Variants in TNS1 observed in about 807,000 individuals in gnomAD.
The protein encoded by TNS1 is tensin 1.
Under a neutral mutation model 168.6 loss-of-function variants are expected in TNS1, and 62 were observed. That is an observed-to-expected ratio of 0.37 (90% confidence interval 0.30 to 0.45). TNS1 has a LOEUF of 0.45. Ranked by LOEUF, TNS1 falls within the 20% of genes least tolerant of loss-of-function variation. The pLI, the probability that TNS1 is intolerant of heterozygous loss-of-function variation, is 1.00. For missense variants in TNS1, 2,240 were observed against 2,339.4 expected (o/e 0.96, Z 0.88); for synonymous variants, 934 against 933.2 (o/e 1.00, Z -0.02).
At chr2:218,020,135 A>G (rs999869893) in intron 1 of TNS1, among the ~76,000 whole-genome samples, 3 of 152,084 alleles carry the variant, frequency 2.0e-5, no homozygotes, top group Non-Finnish European at 4.4e-5. Context: ...TCCCAGAGGG[A>G]AAAAAAGGAG....
chr2:217,825,411 G>A (rs1182484902), intron 22 of TNS1, among the ~76,000 whole-genome samples: 2 of 152,128 alleles, frequency 1.3e-5, no homozygotes, highest in Admixed American at 6.5e-5. Flanking sequence ...CTCCTGATAG[G>A]GAGCACTCGG....
chr2:217,990,932 C>T lies in TNS1; in HGVS notation c.148+10G>A, dbSNP rs560565007. 4.4e-5 allele frequency: 28 copies of T among 640,708 alleles called. No homozygotes were observed. The highest frequency in any genetic ancestry group is 3.7e-4 in the Admixed American group (17 of 46,394). 39.7% of individuals were successfully genotyped at this position (640,708 alleles called of 1,614,324 possible). A position where few individuals can be genotyped will look rare whatever the true frequency, so the allele number is the denominator to read the frequency against. On this transcript the variant is annotated intron_variant, in intron 2 of 32. Transcript: ENST00000682258. ...TGCTCCCATCCCCCACAGCCCAGACCGCTGCTCACCTTTGCAGGTGCAGCC... is the reference window on the plus strand; with the variant it reads ...TGCTCCCATCCCCCACAGCCCAGACTGCTGCTCACCTTTGCAGGTGCAGCC...
chr2:217,831,498 C>A lies in TNS1; in HGVS notation c.3330G>T (p.Leu1110=). 6.3e-7 allele frequency: 1 copy of A among 1,582,682 alleles called. No homozygotes were observed. Among genetic ancestry groups the A allele is most frequent in the Admixed American group, 1.8e-5 (1 of 56,312 alleles). The change falls in exon 22 of 33, where the codon CTG becomes CTT. Residue 1110 remains leucine (L), a synonymous_variant. Coordinates refer to ENST00000682258, the MANE Select transcript of TNS1 (RefSeq NM_001387777.1). The part of the protein sequence containing the change: ...LAKTPLSALG[L]KPHNPADILL... ...GGATGTCCGCTGGGTTGTGAGGTTT[C>A]AGGCCCAGAGCAGACAGGGGTGTCT... is the stretch of plus-strand genomic sequence containing the variant.
At chr2:217,995,000 C>T (rs185504935) in intron 1 of TNS1, among the ~76,000 whole-genome samples, 9 of 152,198 alleles carry the variant, frequency 5.9e-5, no homozygotes, top group Admixed American at 5.9e-4. Flanking sequence ...ACCAGACAGT[C>T]TGAGTGTAGA....
At chr2:218,020,920 GGAAGAAGCTGCAA>G (rs1287267122) in intron 1 of TNS1, among the ~76,000 whole-genome samples, 1 of 152,206 alleles carries the variant, frequency 6.6e-6, no homozygotes, top group Non-Finnish European at 1.5e-5. Context: ...GTGCAATGCA[GGAAGAAGCTGCAA>G]GATAAGCAAC....
At chr2:217,843,195 C>T (rs1946212550) in intron 19 of TNS1, among the ~76,000 whole-genome samples, 1 of 151,962 alleles carries the variant, frequency 6.6e-6, no homozygotes, top group African/African-American at 2.4e-5. Flanking sequence ...CAATATTTCC[C>T]TCTATCTTTA....
chr2:217,832,554 T>C (rs1944587815), intron 21 of TNS1, among the ~76,000 whole-genome samples: 2 of 152,146 alleles, frequency 1.3e-5, no homozygotes, highest in African/African-American at 4.8e-5. Context: ...CTCAACAGAT[T>C]AGCTGTGGCC....
chr2:217,885,477 T>C (rs372363143), intron 15 of TNS1, among the ~76,000 whole-genome samples: 2 of 152,024 alleles, frequency 1.3e-5, no homozygotes, highest in African/African-American at 2.4e-5. Flanking sequence ...ATTCAGAGAG[T>C]CCTTGTCACC....
chr2:217,991,082 G>A (rs1231607652), intron 1 of TNS1, 26 bp from the exon 2 acceptor site: 1 of 617,672 alleles, frequency 1.6e-6, no homozygotes, highest in Middle Eastern at 2.5e-4. Flanking sequence ...CACAGAGTCA[G>A]CCCTGGGTAG....
At chr2:217,940,417 T>C (rs1422769240) in intron 3 of TNS1, among the ~76,000 whole-genome samples, 1 of 152,188 alleles carries the variant, frequency 6.6e-6, no homozygotes, top group East Asian at 1.9e-4. Context: ...CCAGAGGCAC[T>C]GGCAGCCGAG....
chr2:217,973,081 T>C (rs1180183539), intron 3 of TNS1, among the ~76,000 whole-genome samples: 2 of 152,072 alleles, frequency 1.3e-5, no homozygotes, highest in African/African-American at 2.4e-5. Context: ...AGGCAGGGTG[T>C]GGTGGCTCAT....
At chr2:217,957,727 T>C (rs1957399830) in intron 3 of TNS1, among the ~76,000 whole-genome samples, 1 of 151,400 alleles carries the variant, frequency 6.6e-6, no homozygotes, top group Non-Finnish European at 1.5e-5. Context: ...TTAACTGTGA[T>C]AATGGTATTA....
chr2:217,945,878 G>A (rs2125959347), intron 3 of TNS1, among the ~76,000 whole-genome samples: 1 of 152,250 alleles, frequency 6.6e-6, no homozygotes, highest in African/African-American at 2.4e-5. Context: ...GAAGTTAGGG[G>A]ATCCCGGGTC....
At chr2:217,856,903 T>G (rs1948201181) in intron 18 of TNS1, among the ~76,000 whole-genome samples, 1 of 152,146 alleles carries the variant, frequency 6.6e-6, no homozygotes, top group South Asian at 2.1e-4. Flanking sequence ...GCAGGTGGCT[T>G]TGTCCTCTAA....
At chr2:217,990,136 CAG>C in intron 2 of TNS1, among the ~76,000 whole-genome samples, 3 of 143,106 alleles carry the variant, frequency 2.1e-5, no homozygotes, top group Admixed American at 6.9e-5. Flanking sequence ...ACACCAGCCA[CAG>C]ACCCTCAAAA....
intron 18 of TNS1, among the ~76,000 whole-genome samples, chr2:217,878,140 T>C (rs990416343): frequency 6.6e-6 from 1 of 152,230 alleles, no homozygotes; most frequent in African/African-American, 2.4e-5. Context: ...AGCTGTTGCC[T>C]GCACTGAAGT....
intron 3 of TNS1, among the ~76,000 whole-genome samples, chr2:217,933,394 C>T (rs1956427085): frequency 1.3e-5 from 2 of 152,286 alleles, no homozygotes; most frequent in South Asian, 4.1e-4. Flanking sequence ...CAGCCCAAGG[C>T]ACACACAGCG....
chr2:217,831,966 C>T (rs905859080), intron 21 of TNS1, among the ~76,000 whole-genome samples: 1 of 152,020 alleles, frequency 6.6e-6, no homozygotes, highest in Non-Finnish European at 1.5e-5. Context: ...CACACACACA[C>T]ACACAGACAC....
At chr2:217,925,735 A>G (rs1417310353) in intron 3 of TNS1, among the ~76,000 whole-genome samples, 5 of 152,118 alleles carry the variant, frequency 3.3e-5, no homozygotes, top group African/African-American at 1.2e-4. Context: ...AACCATTACC[A>G]TTATCCATTT....
Sources: gnomAD v4.1 joint callset for allele counts (sites outside exome capture counted in the v4.1 genomes callset) on GRCh38, gnomAD v4.1.1 for gene constraint, MANE v1.5 for transcripts, NCBI Gene and HGNC (gene_info 2026-07-23, HGNC 2026-07-21) for gene names.